Variants in NDST4 observed in about 807,000 individuals in gnomAD.
The protein encoded by NDST4 is N-heparan sulfate sulfotransferase 4.
In NDST4, 63 loss-of-function variants were observed where a neutral mutation model predicts 100.8. The observed-to-expected ratio is 0.62, with a 90% CI of 0.51 to 0.77. The LOEUF is 0.77. NDST4 is among the 30% of genes least tolerant of loss of function. The probability of loss-of-function intolerance (pLI) is 0.00; values close to 1 mark genes in which losing one functional copy is unlikely to be tolerated. For synonymous variants in NDST4, 377 were observed against 361.8 expected, an observed-to-expected ratio of 1.04 and a Z score of -0.48; for missense variants, 943 against 1,018.4, an observed-to-expected ratio of 0.93 and a Z score of 1.01.
At chr4:115,090,851 C>G (rs1729505578) in intron 1 of NDST4, among the ~76,000 whole-genome samples, 1 of 152,042 alleles carries the variant, frequency 6.6e-6, no homozygotes, top group Non-Finnish European at 1.5e-5. Context: ...AGATCAGTGA[C>G]TCAATGTTAA....
chr4:114,910,907 T>C (rs528053227), intron 6 of NDST4, among the ~76,000 whole-genome samples: 22 of 152,316 alleles, frequency 1.4e-4, no homozygotes, highest in African/African-American at 5.3e-4. Context: ...ACATATCCCA[T>C]AGTCAATTGT....
At chr4:114,987,746 T>C (rs1227509800) in intron 2 of NDST4, among the ~76,000 whole-genome samples, 1 of 152,214 alleles carries the variant, frequency 6.6e-6, no homozygotes, top group Admixed American at 6.5e-5. Flanking sequence ...GGAAAAATCT[T>C]GCACTTAATG....
rs1560586502 is a variant in NDST4 at position 115,064,941 on chromosome 4, C to T, written c.978+11118G>A. Among the ~76,000 whole-genome samples the T allele has an allele frequency of 3.9e-5, 6 of 152,198 alleles. 2 individuals are homozygous for T. In the South Asian group the frequency reaches 1.2e-3, roughly 32 times the overall value. ...ACAAATATGGATGCCCATGTTAAAT[C>T]ATTAGACCTTAACCCATTAAAATTA... On this transcript the variant is annotated intron_variant, in intron 2 of 13. Coordinates refer to ENST00000264363, the MANE Select transcript of NDST4 (RefSeq NM_022569.3).
At chr4:114,938,955 T>A (rs1340705816) in intron 4 of NDST4, among the ~76,000 whole-genome samples, 1 of 152,190 alleles carries the variant, frequency 6.6e-6, no homozygotes, top group Non-Finnish European at 1.5e-5. Context: ...CATTTCTTGA[T>A]CTGTGCAGAA....
At chr4:115,060,083 A>G (rs1313891406) in intron 2 of NDST4, among the ~76,000 whole-genome samples, 1 of 152,016 alleles carries the variant, frequency 6.6e-6, no homozygotes, top group African/African-American at 2.4e-5. Context: ...AGAGACTAAT[A>G]CTGTGCAGTA....
At chr4:114,929,579 T>G (rs1401316307) in intron 6 of NDST4, among the ~76,000 whole-genome samples, 1 of 152,224 alleles carries the variant, frequency 6.6e-6, no homozygotes, top group African/African-American at 2.4e-5. Context: ...ACTGGATAGA[T>G]GAAGCCTCCT....
At chr4:114,859,394 T>A (rs763165270) in intron 7 of NDST4, among the ~76,000 whole-genome samples, 1 of 152,194 alleles carries the variant, frequency 6.6e-6, no homozygotes, top group Non-Finnish European at 1.5e-5. Flanking sequence ...CTCAAAATAA[T>A]TCTCCTCTTA....
At chr4:114,869,631 T>C (rs1385036137) in intron 7 of NDST4, among the ~76,000 whole-genome samples, 4 of 152,126 alleles carry the variant, frequency 2.6e-5, no homozygotes, top group African/African-American at 7.2e-5. Flanking sequence ...GGATGGTAAA[T>C]AGAATGTAGT....
At chr4:114,959,538 A>G (rs1486370176) in intron 4 of NDST4, among the ~76,000 whole-genome samples, 3 of 152,166 alleles carry the variant, frequency 2.0e-5, no homozygotes, top group Non-Finnish European at 4.4e-5. Context: ...GGAGAACAGC[A>G]TAAGAAAAAC....
chr4:114,913,197 A>G (rs1166077286), intron 6 of NDST4, among the ~76,000 whole-genome samples: 1 of 152,012 alleles, frequency 6.6e-6, no homozygotes, highest in Non-Finnish European at 1.5e-5. Context: ...TAAGGACTGT[A>G]TGTTAAATAT....
intron 1 of NDST4, among the ~76,000 whole-genome samples, chr4:115,081,079 T>C (rs960915058): frequency 2.7e-5 from 4 of 148,060 alleles, no homozygotes; most frequent in Non-Finnish European, 4.4e-5. Context: ...CTCCTCCTAA[T>C]GCAATAGTGA....
At chr4:115,097,221 G>A (rs1280345755) in intron 1 of NDST4, among the ~76,000 whole-genome samples, 8 of 151,818 alleles carry the variant, frequency 5.3e-5, no homozygotes, top group South Asian at 2.1e-4. Context: ...CAAAGTTTAC[G>A]CTTCCAGCTA....
At chr4:114,934,284 G>A (rs1249418445) in intron 6 of NDST4, among the ~76,000 whole-genome samples, 1 of 152,116 alleles carries the variant, frequency 6.6e-6, no homozygotes, top group African/African-American at 2.4e-5. Context: ...TCACTTATAT[G>A]TGAGATCTAA....
At chr4:114,962,711 A>T (rs1726291009) in intron 4 of NDST4, among the ~76,000 whole-genome samples, 1 of 152,122 alleles carries the variant, frequency 6.6e-6, no homozygotes, top group African/African-American at 2.4e-5. Context: ...CAGAAGACTT[A>T]ATATTGGTAA....
rs143407901 is a variant in NDST4 at position 115,001,410 on chromosome 4, G to A, written c.979-24136C>T. On this transcript the variant is annotated intron_variant, in intron 2 of 13. Coordinates refer to ENST00000264363, the MANE Select transcript of NDST4 (RefSeq NM_022569.3). ...AATGCTGCGGAGAGCACAACCATTAGTTTCCCCACCTAGACTATCAGAGCT... is the reference window on the plus strand; with the variant it reads ...AATGCTGCGGAGAGCACAACCATTAATTTCCCCACCTAGACTATCAGAGCT... Among the ~76,000 whole-genome samples, 356 of 152,042 alleles carry A rather than the reference G, an allele frequency of 2.3e-3. 2 individuals carry two copies. The highest frequency in any genetic ancestry group is 5.3e-3 in the Admixed American group (81 of 15,256).
chr4:115,044,024 A>G (rs1383469161), intron 2 of NDST4, among the ~76,000 whole-genome samples: 2 of 152,172 alleles, frequency 1.3e-5, no homozygotes, highest in African/African-American at 4.8e-5. Flanking sequence ...AACAAATTCA[A>G]AAGATACATT....
chr4:115,099,058 G>A (rs886676438), intron 1 of NDST4, among the ~76,000 whole-genome samples: 1 of 152,144 alleles, frequency 6.6e-6, no homozygotes, highest in African/African-American at 2.4e-5. Context: ...AGAAAGGATA[G>A]CCTTTTCAAT....
intron 2 of NDST4, among the ~76,000 whole-genome samples, chr4:114,983,659 T>A (rs1474695825): frequency 2.0e-5 from 3 of 152,202 alleles, no homozygotes; most frequent in East Asian, 3.9e-4. Context: ...ACTTTTGGGT[T>A]AATGCTGGAA....
rs575612099 is a variant in NDST4 at position 115,106,513 on chromosome 4, C to T, written c.-247+6931G>A. ...ATAGTATTTGCATGTAGCCTATACA[C>T]ATCCTCCTGTATACTCTAGCTCAAT... On this transcript the variant is annotated intron_variant, in intron 1 of 13. Transcript: ENST00000264363. 6.2e-4 allele frequency among the ~76,000 whole-genome samples: 95 copies of T among 152,210 alleles called. 1 individual carries two copies. The highest frequency in any genetic ancestry group is 2.1e-4 in the South Asian group (1 of 4,826).
Sources: gnomAD v4.1 joint callset for allele counts (sites outside exome capture counted in the v4.1 genomes callset) on GRCh38, gnomAD v4.1.1 for gene constraint, MANE v1.5 for transcripts, NCBI Gene and HGNC (gene_info 2026-07-23, HGNC 2026-07-21) for gene names.